The following ELMO2 variants were observed in gnomAD, a reference collection of about 807,000 sequenced individuals.
ELMO2 encodes the protein engulfment and cell motility 2, also known as engulfment and cell motility protein 2.
ELMO2 carries 37 observed loss-of-function variants against 96.2 expected under a neutral mutation model. The observed-to-expected ratio is 0.38, with a 90% CI of 0.30 to 0.51. The LOEUF is 0.51. ELMO2 is among the 20% of genes least tolerant of loss of function. ELMO2 has a pLI of 0.88. For missense variants in ELMO2, 561 were observed against 912.6 expected (o/e 0.61, Z 4.96); for synonymous variants, 315 against 329.4 (o/e 0.96, Z 0.47).
intron 1 of ELMO2, among the ~76,000 whole-genome samples, chr20:46,400,603 C>A (rs1339315861): frequency 6.6e-6 from 1 of 152,258 alleles, no homozygotes; most frequent in Non-Finnish European, 1.5e-5. Context: ...ACCTTCCACT[C>A]CTCTTTAAGC....
At chr20:46,370,607 T>C (rs1473925028) in intron 19 of ELMO2, 82 bp from the exon 20 acceptor site, 1 of 1,297,214 alleles carries the variant, frequency 7.7e-7, no homozygotes, top group Admixed American at 1.9e-5. Context: ...AGGGAGGTAC[T>C]GGGGCAGATG....
intron 9 of ELMO2, 105 bp downstream of exon 9, chr20:46,386,019 C>T: frequency 1.5e-6 from 2 of 1,311,454 alleles, no homozygotes; most frequent in Non-Finnish European, 2.1e-6. Context: ...AGCCAACCAA[C>T]AGCTTGGAAT....
At chr20:46,378,897 T>C (rs1600841421) in intron 11 of ELMO2, among the ~76,000 whole-genome samples, 1 of 152,270 alleles carries the variant, frequency 6.6e-6, no homozygotes, top group Non-Finnish European at 1.5e-5. Context: ...CCAAAGTCCA[T>C]GTTTAGCTTA....
intron 2 of ELMO2, among the ~76,000 whole-genome samples, chr20:46,397,101 T>C (rs2060255723): frequency 6.6e-6 from 1 of 152,186 alleles, no homozygotes; most frequent in Non-Finnish European, 1.5e-5. Context: ...CCATATGACA[T>C]ATCCTAGATT....
chr20:46,404,986 G>T (rs1239346377), intron 1 of ELMO2, among the ~76,000 whole-genome samples: 1 of 152,078 alleles, frequency 6.6e-6, no homozygotes, highest in African/African-American at 2.4e-5. Context: ...CCTGCAGGTA[G>T]GACATCAGTG....
chr20:46,386,708 C>A lies in ELMO2; in HGVS notation c.526-433G>T, dbSNP rs532817793. Among the ~76,000 whole-genome samples, 15 of 152,284 alleles carry A rather than the reference C, an allele frequency of 9.9e-5. No homozygotes were observed. In the South Asian group the frequency reaches 3.1e-3, roughly 32 times the overall value. ...TTACTCTAATCCTTCTTCTCAGTCC[C>A]CATTATAATATCCTTGACACATGGT... is the stretch of plus-strand genomic sequence containing the variant. On this transcript the variant is annotated intron_variant, in intron 8 of 21. Transcript: ENST00000290246.
At chr20:46,399,616 A>G (rs1180452228) in intron 1 of ELMO2, among the ~76,000 whole-genome samples, 2 of 152,144 alleles carry the variant, frequency 1.3e-5, no homozygotes, top group African/African-American at 4.8e-5. Flanking sequence ...ACAGTTACAT[A>G]TTTACACATC....
intron 1 of ELMO2, among the ~76,000 whole-genome samples, chr20:46,401,108 C>G (rs1178458316): frequency 6.6e-6 from 1 of 152,128 alleles, no homozygotes; most frequent in African/African-American, 2.4e-5. Context: ...TTTATGTTTC[C>G]TGCAACAGAA....
At chr20:46,376,617 T>C (rs2059864146) in intron 11 of ELMO2, 2 of 1,289,204 alleles carry the variant, frequency 1.6e-6, no homozygotes, top group South Asian at 2.5e-5. Flanking sequence ...ATTACATTCC[T>C]GTCTCTCACC....
chr20:46,371,667 G>T lies in ELMO2; in HGVS notation c.1605C>A (p.Pro535=), dbSNP rs781407932. Residue 535 remains proline, a synonymous_variant, in exon 18 of 22, where the codon CCC becomes CCA. Coordinates refer to ENST00000290246, the MANE Select transcript of ELMO2 (RefSeq NM_133171.5). This position sits in a 1 kb window ranked among gnomAD's most constrained non-coding sequence, Gnocchi z 5.9. ...PIVELREKIQ[P]EILELIKQQR... ...GCTGCTTGATCAGCTCAAGGATCTCGGGCTGGATCTTCTCCCTCAGCTCCC... is the reference window on the plus strand; with the variant it reads ...GCTGCTTGATCAGCTCAAGGATCTCTGGCTGGATCTTCTCCCTCAGCTCCC... The T allele has an allele frequency of 6.2e-6, 10 of 1,613,664 alleles. No individual in the cohort carries two copies. Among genetic ancestry groups the T allele is most frequent in the Non-Finnish European group, 7.6e-6 (9 of 1,180,018 alleles).
intron 11 of ELMO2, chr20:46,376,996 A>G: frequency 2.8e-6 from 1 of 362,562 alleles, no homozygotes; most frequent in Middle Eastern, 1.0e-3. Flanking sequence ...TTCCATTAAC[A>G]GAGTTCTACT....
At chr20:46,404,580 T>C (rs1255014364) in intron 1 of ELMO2, among the ~76,000 whole-genome samples, 1 of 152,178 alleles carries the variant, frequency 6.6e-6, no homozygotes, top group African/African-American at 2.4e-5. Flanking sequence ...ACAACAGTTA[T>C]CTCAAAAGAC....
At chr20:46,381,826 AG>A (rs1239746449) in intron 10 of ELMO2, among the ~76,000 whole-genome samples, 1 of 152,224 alleles carries the variant, frequency 6.6e-6, no homozygotes, top group Non-Finnish European at 1.5e-5. Flanking sequence ...GTCTAGTAAG[AG>A]TCCAAAAAGG....
intron 11 of ELMO2, chr20:46,379,957 A>G (rs2059926641): frequency 3.8e-6 from 1 of 262,654 alleles, no homozygotes; most frequent in South Asian, 7.6e-5. Context: ...CTTTGTGCCT[A>G]TTTTAACATA....
At chr20:46,378,459 C>T (rs1319958689) in intron 11 of ELMO2, among the ~76,000 whole-genome samples, 8 of 152,246 alleles carry the variant, frequency 5.3e-5, no homozygotes, top group Non-Finnish European at 1.2e-4. Flanking sequence ...CAGAAGGGCG[C>T]ACTCATCCCC....
At chr20:46,374,679 C>T in intron 13 of ELMO2, 39 bp from the exon 14 acceptor site, 3 of 1,593,882 alleles carry the variant, frequency 1.9e-6, no homozygotes, top group Non-Finnish European at 1.7e-6. Context: ...ATGCGGCAGT[C>T]TCCGTGTATG....
intron 9 of ELMO2, among the ~76,000 whole-genome samples, chr20:46,384,172 G>A (rs2060002504): frequency 6.6e-6 from 1 of 152,212 alleles, no homozygotes; most frequent in Non-Finnish European, 1.5e-5. Context: ...CAGTGGGTAT[G>A]TCTGGAGGTG....
At chr20:46,378,056 G>T (rs1003241669) in intron 11 of ELMO2, among the ~76,000 whole-genome samples, 1 of 152,194 alleles carries the variant, frequency 6.6e-6, no homozygotes, top group Admixed American at 6.5e-5. Flanking sequence ...TTTGAATAGA[G>T]GTGGAAGTTA....
At chr20:46,372,084 C>A in intron 16 of ELMO2, 115 bp from the exon 17 acceptor site, 1 of 1,302,098 alleles carries the variant, frequency 7.7e-7, no homozygotes, top group Non-Finnish European at 1.1e-6. Context: ...GCAGGCACTA[C>A]AGACATCTGC....
Sources: gnomAD v4.1 joint callset for allele counts (sites outside exome capture counted in the v4.1 genomes callset) on GRCh38, gnomAD v4.1.1 for gene constraint, Gnocchi (gnomAD v3.1) non-coding constraint, MANE v1.5 for transcripts, NCBI Gene and HGNC (gene_info 2026-07-23, HGNC 2026-07-21) for gene names.